Variants in SSBP2 observed in about 807,000 individuals in gnomAD.
SSBP2 encodes single-stranded DNA-binding protein 2.
In SSBP2, 17 loss-of-function variants were observed where a neutral mutation model predicts 61.8. That is an observed-to-expected ratio of 0.28 (90% CI 0.19 to 0.41). The LOEUF is 0.41. Ranked by LOEUF, SSBP2 falls within the 10% of genes least tolerant of loss-of-function variation. The pLI is 1.00. For synonymous variants in SSBP2, 139 were observed against 141.3 expected (o/e 0.98, Z 0.12); for missense variants, 310 against 458.7 (o/e 0.68, Z 2.96).
intron 4 of SSBP2, among the ~76,000 whole-genome samples, chr5:81,544,536 A>G (rs1186994684): frequency 1.3e-4 from 20 of 152,080 alleles, no homozygotes; most frequent in Non-Finnish European, 2.5e-4. Flanking sequence ...AAATAGTACA[A>G]CTCATTTTGA....
chr5:81,639,695 A>C (rs540306982), intron 2 of SSBP2, among the ~76,000 whole-genome samples: 1 of 152,264 alleles, frequency 6.6e-6, no homozygotes, highest in East Asian at 1.9e-4. Flanking sequence ...ATTATGTAAC[A>C]ATACCCCAAT....
intron 1 of SSBP2, among the ~76,000 whole-genome samples, chr5:81,704,795 CAAAAAAAAAA>C (rs34376110): frequency 1.7e-4 from 9 of 51,990 alleles, no homozygotes; most frequent in Admixed American, 5.7e-4. Flanking sequence ...GATTCCATCT[CAAAAAAAAAA>C]AAAAAAAAAA....
chr5:81,591,954 G>C (rs983183289), intron 4 of SSBP2, among the ~76,000 whole-genome samples: 1 of 152,224 alleles, frequency 6.6e-6, no homozygotes, highest in Non-Finnish European at 1.5e-5. Flanking sequence ...GAGGTACCGG[G>C]TTCATCTCAC....
chr5:81,592,249 T>A lies in SSBP2; in HGVS notation c.282+23224A>T, dbSNP rs551721922. On this transcript the variant is annotated intron_variant, in intron 4 of 16. Coordinates refer to ENST00000320672, the MANE Select transcript of SSBP2 (RefSeq NM_012446.5). ...GTCTCGCTCATTGCTAGCACAGCAG[T>A]CCAAGATCAAACTGCAAGGCAGCAG... Among the ~76,000 whole-genome samples the A allele has an allele frequency of 2.0e-5, 3 of 152,314 alleles. No individual in the cohort carries two copies. In the South Asian group the frequency reaches 6.2e-4, roughly 32 times the overall value.
intron 1 of SSBP2, among the ~76,000 whole-genome samples, chr5:81,653,029 C>T (rs1270071176): frequency 1.3e-5 from 2 of 151,462 alleles, no homozygotes; most frequent in African/African-American, 4.9e-5. Flanking sequence ...ACACATGCCA[C>T]GGTGGTTTGC....
intron 10 of SSBP2, among the ~76,000 whole-genome samples, chr5:81,453,982 A>C (rs1456500290): frequency 6.6e-6 from 1 of 152,250 alleles, no homozygotes; most frequent in Non-Finnish European, 1.5e-5. Context: ...AAAGTCACTA[A>C]TAACCTTCAA....
chr5:81,736,815 A>G (rs1383831178), intron 1 of SSBP2, among the ~76,000 whole-genome samples: 1 of 152,220 alleles, frequency 6.6e-6, no homozygotes, highest in East Asian at 1.9e-4. Flanking sequence ...ACAATTCTAA[A>G]GAAAAGTCAG....
At chr5:81,551,401 T>C (rs1358200207) in intron 4 of SSBP2, among the ~76,000 whole-genome samples, 1 of 152,116 alleles carries the variant, frequency 6.6e-6, no homozygotes, top group African/African-American at 2.4e-5. Flanking sequence ...GTGAAGCACC[T>C]TAGGTATCCA....
chr5:81,451,149 T>A (rs1763740588), intron 10 of SSBP2, among the ~76,000 whole-genome samples: 1 of 152,186 alleles, frequency 6.6e-6, no homozygotes, highest in African/African-American at 2.4e-5. Context: ...AAACAGCTCA[T>A]GAAATTCCTG....
chr5:81,703,341 T>A (rs1382189541), intron 1 of SSBP2, among the ~76,000 whole-genome samples: 4 of 152,122 alleles, frequency 2.6e-5, no homozygotes, highest in African/African-American at 9.7e-5. Flanking sequence ...CCCAGGAAGA[T>A]CTCCAGAGCT....
chr5:81,557,069 T>C (rs1312475559), intron 4 of SSBP2, among the ~76,000 whole-genome samples: 1 of 152,180 alleles, frequency 6.6e-6, no homozygotes, highest in Non-Finnish European at 1.5e-5. Flanking sequence ...TACTCCTTAA[T>C]GTGGATAAAA....
intron 1 of SSBP2, among the ~76,000 whole-genome samples, chr5:81,672,091 T>G (rs1400885052): frequency 6.6e-6 from 1 of 152,168 alleles, no homozygotes; most frequent in Non-Finnish European, 1.5e-5. Flanking sequence ...ATTATATTAT[T>G]TTTACTACAA....
At chr5:81,481,014 ATG>A (rs1686437766) in intron 6 of SSBP2, among the ~76,000 whole-genome samples, 1 of 152,198 alleles carries the variant, frequency 6.6e-6, no homozygotes, top group African/African-American at 2.4e-5. Context: ...AAGTTTTATT[ATG>A]AGAGTGTGGC....
At chr5:81,526,735 G>C (rs1769971052) in intron 4 of SSBP2, among the ~76,000 whole-genome samples, 2 of 151,890 alleles carry the variant, frequency 1.3e-5, no homozygotes, top group Non-Finnish European at 2.9e-5. Context: ...TACTATAGAT[G>C]TGACATTGTG....
intron 6 of SSBP2, among the ~76,000 whole-genome samples, chr5:81,482,729 C>T (rs963343050): frequency 2.0e-5 from 3 of 152,180 alleles, no homozygotes; most frequent in Admixed American, 1.3e-4. Context: ...CTTCTATCAG[C>T]AATAAGGCTG....
chr5:81,631,751 C>A (rs1188912285), intron 3 of SSBP2, among the ~76,000 whole-genome samples: 1 of 152,120 alleles, frequency 6.6e-6, no homozygotes, highest in Admixed American at 6.5e-5. Flanking sequence ...CCACCACCAC[C>A]CTCAGTACCC....
intron 4 of SSBP2, among the ~76,000 whole-genome samples, chr5:81,582,110 C>G (rs1324518323): frequency 3.3e-5 from 5 of 152,030 alleles, no homozygotes; most frequent in African/African-American, 1.2e-4. Context: ...GATTAAAGCT[C>G]TGGTTGTTTT....
At chr5:81,655,797 T>C (rs1199018475) in intron 1 of SSBP2, among the ~76,000 whole-genome samples, 1 of 152,226 alleles carries the variant, frequency 6.6e-6, no homozygotes, top group Non-Finnish European at 1.5e-5. Context: ...GGAGGCAGAC[T>C]GGAAACATCA....
At chr5:81,552,666 GA>G (rs370833853) in intron 4 of SSBP2, among the ~76,000 whole-genome samples, 2,019 of 131,968 alleles carry the variant, frequency 0.015, 29 homozygotes, top group South Asian at 0.084. Context: ...AAAGAAAGAA[GA>G]AAAAAAAAAA....
Sources: gnomAD v4.1 joint callset for allele counts (sites outside exome capture counted in the v4.1 genomes callset) on GRCh38, gnomAD v4.1.1 for gene constraint, MANE v1.5 for transcripts, NCBI Gene and HGNC (gene_info 2026-07-23, HGNC 2026-07-21) for gene names.